Variants in ANKRD36 observed in about 807,000 individuals in gnomAD.
ANKRD36 encodes the protein ankyrin repeat domain-containing protein 36A.
In ANKRD36, 179 loss-of-function variants were observed where a neutral mutation model predicts 278.1. The ratio of observed to expected loss-of-function variants is 0.64; its 90% CI spans 0.57 to 0.73. The LOEUF is 0.73. Ranked by LOEUF, ANKRD36 falls within the 30% of genes least tolerant of loss-of-function variation. The pLI is 0.00. For synonymous variants in ANKRD36, 320 were observed against 641.1 expected, an observed-to-expected ratio of 0.50 and a Z score of 7.57; for missense variants, 1,159 against 1,956.7, an observed-to-expected ratio of 0.59 and a Z score of 7.69.
chr2:97,124,104 A>AT (rs1367188768), intron 4 of ANKRD36, among the ~76,000 whole-genome samples: 2 of 151,322 alleles, frequency 1.3e-5, no homozygotes, highest in Non-Finnish European at 2.9e-5. Context: ...CCTTCAGCTG[A>AT]TTTTGCATTA....
chr2:97,200,909 A>C (rs1408791723), intron 46 of ANKRD36, among the ~76,000 whole-genome samples: 12 of 151,892 alleles, frequency 7.9e-5, no homozygotes, highest in African/African-American at 2.9e-4. Context: ...ACTGTTCATT[A>C]TAACCCGTAG....
At position 97,207,870 on chromosome 2, in the gene ANKRD36, A is replaced by G. The variant is rs1404819249; in HGVS notation, c.3192+31A>G. The G allele has an allele frequency of 5.8e-6, 9 of 1,544,842 alleles. No individual in the cohort carries two copies. In the East Asian group the frequency reaches 1.2e-4, roughly 21 times the overall value. ...GAAACTGTCATTTATATTGTGAACT[A>G]GTAAATGTATAGTCTATGAAACATA... On this transcript the variant is annotated intron_variant, in intron 53 of 75. Coordinates refer to ENST00000420699, the MANE Select transcript of ANKRD36 (RefSeq NM_001354587.1).
chr2:97,216,630 C>T (rs2065991982), intron 62 of ANKRD36: 3 of 220,386 alleles, frequency 1.4e-5, no homozygotes, highest in Admixed American at 5.4e-5. Context: ...TACTCAGTTT[C>T]AGCAAACAGA....
intron 15 of ANKRD36, among the ~76,000 whole-genome samples, chr2:97,157,443 T>A (rs1263953576): frequency 1.4e-5 from 2 of 141,394 alleles, no homozygotes; most frequent in African/African-American, 2.7e-5. Flanking sequence ...ACCGCATGTC[T>A]TTAGTGTCTA....
At chr2:97,144,962 A>G (rs1373718646) in intron 10 of ANKRD36, among the ~76,000 whole-genome samples, 2 of 152,018 alleles carry the variant, frequency 1.3e-5, no homozygotes, top group Non-Finnish European at 2.9e-5. Context: ...TCAAGATACA[A>G]GAGTCTGAGG....
chr2:97,210,552 A>C (rs753668018), intron 56 of ANKRD36, among the ~76,000 whole-genome samples: 147 of 151,810 alleles, frequency 9.7e-4, no homozygotes, highest in Admixed American at 3.6e-3. Context: ...CGTCAGAGAT[A>C]CATGTTTTGT....
At chr2:97,230,283 T>C (rs1305458538) in intron 67 of ANKRD36, among the ~76,000 whole-genome samples, 1 of 152,072 alleles carries the variant, frequency 6.6e-6, no homozygotes, top group Non-Finnish European at 1.5e-5. Context: ...ACCAATCAGA[T>C]GTAGATTTGG....
chr2:97,180,590 T>A (rs1237474829), intron 24 of ANKRD36, among the ~76,000 whole-genome samples: 1 of 151,510 alleles, frequency 6.6e-6, no homozygotes, highest in East Asian at 2.0e-4. Context: ...GACTCATTAC[T>A]CCTCTTTGCT....
chr2:97,174,383 G>A (rs1346740694), intron 22 of ANKRD36, among the ~76,000 whole-genome samples: 3 of 151,584 alleles, frequency 2.0e-5, no homozygotes, highest in Non-Finnish European at 4.4e-5. Context: ...GCAGGAAAGA[G>A]TGATAGAATT....
In ANKRD36 at chr2:97,191,030, G is replaced by A. The variant is rs187514848; in HGVS notation, c.2274+24G>A. 1.1e-4 allele frequency: 170 copies of A among 1,604,228 alleles called. 4 individuals are homozygous for A. In the East Asian group the frequency reaches 1.4e-3, roughly 13 times the overall value. On this transcript the variant is annotated intron_variant, in intron 35 of 75. Coordinates refer to ENST00000420699, the MANE Select transcript of ANKRD36 (RefSeq NM_001354587.1). ...AGGTAATTAAACTCTCATTTATATT[G>A]TGAACTAGTAAATCTATAGTCTATG...
intron 6 of ANKRD36, among the ~76,000 whole-genome samples, chr2:97,137,000 A>G (rs2041690694): frequency 6.6e-6 from 1 of 152,104 alleles, no homozygotes; most frequent in Admixed American, 6.6e-5. Context: ...TTAGTTGCCT[A>G]CAAATAGTAT....
intron 1 of ANKRD36, among the ~76,000 whole-genome samples, chr2:97,114,931 C>A (rs1309842159): frequency 6.6e-6 from 1 of 151,960 alleles, no homozygotes; most frequent in African/African-American, 2.4e-5. Context: ...GAAATGGAGT[C>A]AAAAAAGACT....
intron 22 of ANKRD36, among the ~76,000 whole-genome samples, chr2:97,173,908 G>C (rs2053449092): frequency 6.9e-6 from 1 of 144,984 alleles, no homozygotes; most frequent in South Asian, 2.1e-4. Flanking sequence ...TGCTGAGGTA[G>C]TTATTTTGTA....
intron 40 of ANKRD36, among the ~76,000 whole-genome samples, chr2:97,195,292 C>T (rs1252216740): frequency 3.3e-5 from 5 of 151,912 alleles, no homozygotes; most frequent in Non-Finnish European, 5.9e-5. Context: ...AGACAGAAAA[C>T]TGTTCATAAT....
chr2:97,176,550 G>T (rs2054317550), intron 22 of ANKRD36, among the ~76,000 whole-genome samples: 1 of 148,342 alleles, frequency 6.7e-6, no homozygotes, highest in African/African-American at 2.4e-5. Context: ...CCTGAATACA[G>T]CACACTGATG....
At chr2:97,156,304 T>C in intron 15 of ANKRD36, among the ~76,000 whole-genome samples, 1 of 145,578 alleles carries the variant, frequency 6.9e-6, no homozygotes, top group East Asian at 2.0e-4. Flanking sequence ...TGTGCCATGC[T>C]GGTGCGCTGC....
rs58038395 is a variant in ANKRD36, at chr2:97,123,957, TTA to T, written c.594-486_594-485del. Among the ~76,000 whole-genome samples the T allele has an allele frequency of 7.4e-3, 1,052 of 141,786 alleles. 10 individuals carry two copies. The highest frequency in any genetic ancestry group is 0.022 in the African/African-American group (853 of 39,148). 93.0% of individuals were successfully genotyped at this position (141,786 alleles called of 152,430 possible). A position where few individuals can be genotyped will look rare whatever the true frequency, so the allele number is the denominator to read the frequency against. On this transcript the variant is annotated intron_variant, in intron 4 of 75. Transcript: ENST00000420699. ...AAGGATATATTATTATCCTCCATAT[TTA>T]TATATATATATATATAGTGTTTAAT...
chr2:97,196,450 A>C lies in ANKRD36; in HGVS notation c.2552-143A>C, dbSNP rs2059791712. On this transcript the variant is annotated intron_variant, in intron 40 of 75. Coordinates refer to ENST00000420699, the MANE Select transcript of ANKRD36 (RefSeq NM_001354587.1). ...TCTTAGTGTATTTCTGTCATGTTCTAGTCCCCAGACACAAAGTAGAAGCCA... is the reference window on the plus strand; with the variant it reads ...TCTTAGTGTATTTCTGTCATGTTCTCGTCCCCAGACACAAAGTAGAAGCCA... The C allele has an allele frequency of 7.5e-6, 11 of 1,466,850 alleles. No homozygotes were observed. In the South Asian group the frequency reaches 1.1e-4, roughly 15 times the overall value. The allele number at this position is 1,466,850 out of a possible 1,614,324, so 90.9% of individuals were successfully genotyped here. A position where few individuals can be genotyped will look rare whatever the true frequency, so the allele number is the denominator to read the frequency against.
chr2:97,137,590 TATAC>T lies in ANKRD36; in HGVS notation c.800-5048_800-5045del, dbSNP rs903201417. Among the ~76,000 whole-genome samples the T allele has an allele frequency of 1.2e-3, 103 of 89,536 alleles. 3 individuals are homozygous for T. The East Asian group carries it at 0.017, about 14-fold the overall frequency. 58.7% of individuals were successfully genotyped at this position (89,536 alleles called of 152,430 possible). On this transcript the variant is annotated intron_variant, in intron 6 of 75. Transcript: ENST00000420699. ...GAACAAGCCACTGTACATATATATA[TATAC>T]ACACACACACACACCGAGTATATGC...
Sources: allele counts gnomAD v4.1 joint callset (sites outside exome capture counted in the v4.1 genomes callset), GRCh38; gene constraint gnomAD v4.1.1; transcripts MANE v1.5; gene names NCBI Gene and HGNC (gene_info 2026-07-23, HGNC 2026-07-21).